NTRK3: variants seen among roughly 807,000 people sequenced by gnomAD.
NTRK3 encodes the protein neurotrophic receptor tyrosine kinase 3.
Under a neutral mutation model 91.7 loss-of-function variants are expected in NTRK3, and 24 were observed. The observed-to-expected ratio is 0.26, with a 90% CI of 0.19 to 0.37. The LOEUF (loss-of-function observed/expected upper bound fraction) is 0.37. Ranked by LOEUF, NTRK3 falls within the 10% of genes least tolerant of loss-of-function variation. NTRK3 has a pLI of 1.00. For missense variants in NTRK3, 880 were observed against 1,068.9 expected, an observed-to-expected ratio of 0.82 and a Z score of 2.46; for synonymous variants, 483 against 404.0, an observed-to-expected ratio of 1.20 and a Z score of -2.34.
intron 17 of NTRK3, among the ~76,000 whole-genome samples, chr15:87,882,254 A>G (rs950246898): frequency 1.3e-5 from 2 of 152,198 alleles, no homozygotes; most frequent in African/African-American, 4.8e-5. Flanking sequence ...TCCAGTGTAA[A>G]GAAAACTGAA....
intron 3 of NTRK3, among the ~76,000 whole-genome samples, chr15:88,254,507 A>G (rs1034470649): frequency 2.6e-5 from 4 of 152,102 alleles, no homozygotes; most frequent in Non-Finnish European, 5.9e-5. Context: ...CTCCTGGGCT[A>G]TCCATTTCCC....
chr15:88,155,802 TATC>T (rs944366422), intron 5 of NTRK3, among the ~76,000 whole-genome samples: 8 of 143,180 alleles, frequency 5.6e-5, no homozygotes, highest in African/African-American at 1.9e-4. Context: ...ACTTGTAATC[TATC>T]ATCTATCTAT....
chr15:88,005,710 C>G (rs2076438709), intron 14 of NTRK3, among the ~76,000 whole-genome samples: 1 of 152,276 alleles, frequency 6.6e-6, no homozygotes, highest in East Asian at 1.9e-4. Flanking sequence ...AGGAGGCAGT[C>G]TCCCTCTCTT....
At chr15:88,063,766 G>A (rs1479931347) in intron 13 of NTRK3, among the ~76,000 whole-genome samples, 1 of 152,176 alleles carries the variant, frequency 6.6e-6, no homozygotes, top group Non-Finnish European at 1.5e-5. Flanking sequence ...TTGAATAGGT[G>A]GAAGAATGAA....
At chr15:88,044,749 A>G (rs1409002418) in intron 13 of NTRK3, among the ~76,000 whole-genome samples, 2 of 152,142 alleles carry the variant, frequency 1.3e-5, no homozygotes, top group Non-Finnish European at 2.9e-5. Context: ...CCATTCTGAG[A>G]TTATGAACTC....
intron 3 of NTRK3, among the ~76,000 whole-genome samples, chr15:88,199,620 C>G (rs2048122786): frequency 6.6e-6 from 1 of 152,200 alleles, no homozygotes; most frequent in South Asian, 2.1e-4. Context: ...CTCTAACCGC[C>G]CCTCTTCTAG....
intron 13 of NTRK3, among the ~76,000 whole-genome samples, chr15:88,109,632 G>T (rs1191239203): frequency 1.3e-5 from 2 of 152,148 alleles, no homozygotes; most frequent in Admixed American, 6.5e-5. Flanking sequence ...GAAAGAGGTG[G>T]GGGGCTGGGC....
intron 11 of NTRK3, 122 bp from the exon 12 acceptor site, chr15:88,127,348 G>T (rs2053399651): frequency 3.6e-6 from 3 of 822,308 alleles, no homozygotes; most frequent in Admixed American, 4.0e-5. Flanking sequence ...TCCTCTGAAA[G>T]CCAGGCTCTT....
At chr15:88,112,152 C>T (rs574185840) in intron 13 of NTRK3, among the ~76,000 whole-genome samples, 9 of 152,228 alleles carry the variant, frequency 5.9e-5, no homozygotes, top group Non-Finnish European at 8.8e-5. Flanking sequence ...GTGATCCGCC[C>T]GCCTTGGCCT....
chr15:87,975,728 T>C (rs2073662023), intron 14 of NTRK3, among the ~76,000 whole-genome samples: 1 of 152,224 alleles, frequency 6.6e-6, no homozygotes, highest in South Asian at 2.1e-4. Context: ...TTCCTCATTC[T>C]GCCCAGCAAC....
At chr15:88,039,251 T>C (rs1429911014) in intron 13 of NTRK3, among the ~76,000 whole-genome samples, 1 of 152,144 alleles carries the variant, frequency 6.6e-6, no homozygotes, top group Non-Finnish European at 1.5e-5. Flanking sequence ...TACTTTGTTA[T>C]GCAACACTAA....
chr15:88,027,179 GCT>G (rs1268041299), intron 14 of NTRK3, among the ~76,000 whole-genome samples: 3 of 151,878 alleles, frequency 2.0e-5, no homozygotes, highest in African/African-American at 4.8e-5. Context: ...TAAATCTCAG[GCT>G]CTCTCTTGTA....
intron 11 of NTRK3, among the ~76,000 whole-genome samples, chr15:88,127,447 C>G (rs774269522): frequency 6.6e-6 from 1 of 152,098 alleles, no homozygotes; most frequent in African/African-American, 2.4e-5. Context: ...ACAGTTCAAG[C>G]ACAGGCTCCA....
intron 14 of NTRK3, among the ~76,000 whole-genome samples, chr15:87,970,315 G>C (rs980694169): frequency 1.3e-5 from 2 of 152,176 alleles, no homozygotes; most frequent in African/African-American, 4.8e-5. Context: ...TCACAGCGAA[G>C]GTTTCCTGAT....
At chr15:88,138,107 T>C (rs548048535) in intron 6 of NTRK3, among the ~76,000 whole-genome samples, 1 of 149,906 alleles carries the variant, frequency 6.7e-6, no homozygotes, top group South Asian at 2.1e-4. Context: ...GAGATCCTTT[T>C]AAAGAGATAT....
exon 19 of NTRK3, chr15:87,863,077 A>AG (rs2064569125): frequency 4.3e-6 from 1 of 230,856 alleles, no homozygotes; most frequent in Admixed American, 5.7e-5. Context: ...AGACTTGTGT[A>AG]GGGGGAGCCT....
intron 13 of NTRK3, among the ~76,000 whole-genome samples, chr15:88,068,109 A>G (rs1409950200): frequency 6.6e-6 from 1 of 152,188 alleles, no homozygotes. Flanking sequence ...AAGTGATACA[A>G]GAAAGAAAAG....
intron 13 of NTRK3, among the ~76,000 whole-genome samples, chr15:88,042,953 C>T (rs138319820): frequency 6.6e-6 from 1 of 152,342 alleles, no homozygotes; most frequent in East Asian, 1.9e-4. Flanking sequence ...TTTCTAACAA[C>T]AGGACAAGTC....
At chr15:87,993,424 T>C (rs948810244) in intron 14 of NTRK3, among the ~76,000 whole-genome samples, 18 of 152,128 alleles carry the variant, frequency 1.2e-4, no homozygotes, top group African/African-American at 3.9e-4. Flanking sequence ...TTCCAAGATT[T>C]GTGATGATGA....
Sources: gnomAD v4.1 joint callset for allele counts (sites outside exome capture counted in the v4.1 genomes callset) on GRCh38, gnomAD v4.1.1 for gene constraint, MANE v1.5 for transcripts, NCBI Gene and HGNC (gene_info 2026-07-23, HGNC 2026-07-21) for gene names.